Variants in ATP13A5 observed in about 807,000 individuals in gnomAD.
The protein encoded by ATP13A5 is probable cation-transporting ATPase 13A5.
In ATP13A5, 149 loss-of-function variants were observed where a neutral mutation model predicts 150.2. That is an observed-to-expected ratio of 0.99 (90% CI 0.87 to 1.14). ATP13A5 has a LOEUF of 1.14. ATP13A5 is among the 50% of genes most tolerant of loss of function. The probability of loss-of-function intolerance (pLI) is 0.00; values close to 1 mark genes in which losing one functional copy is unlikely to be tolerated. For missense variants in ATP13A5, 1,383 were observed against 1,449.3 expected (o/e 0.95, Z 0.74); for synonymous variants, 497 against 522.2 (o/e 0.95, Z 0.66).
chr3:193,327,527 T>C (rs969484824), intron 12 of ATP13A5, among the ~76,000 whole-genome samples: 11 of 152,156 alleles, frequency 7.2e-5, no homozygotes, highest in African/African-American at 2.7e-4. Context: ...ACAGTGACTG[T>C]CCAGATTGAT....
intron 27 of ATP13A5, among the ~76,000 whole-genome samples, chr3:193,282,406 G>A (rs529905001): frequency 3.1e-4 from 47 of 150,870 alleles, no homozygotes; most frequent in Non-Finnish European, 5.3e-4. Flanking sequence ...ACGGAGTCTC[G>A]CTCTGTTGCC....
chr3:193,305,779 A>C (rs970825832), intron 22 of ATP13A5, 111 bp from the exon 23 acceptor site: 1 of 883,908 alleles, frequency 1.1e-6, no homozygotes, highest in African/African-American at 2.0e-5. Flanking sequence ...GTACTGTTTC[A>C]TCTTTGGGTC....
At chr3:193,276,858 A>G (rs199932245) in intron 28 of ATP13A5, 28 bp from the exon 29 acceptor site, 27 of 1,509,132 alleles carry the variant, frequency 1.8e-5, no homozygotes, top group African/African-American at 2.8e-5. Flanking sequence ...CCATTATTAT[A>G]TTTTGCACAC....
At chr3:193,282,439 A>G (rs932690382) in intron 27 of ATP13A5, among the ~76,000 whole-genome samples, 10 of 151,614 alleles carry the variant, frequency 6.6e-5, no homozygotes, top group Non-Finnish European at 1.2e-4. Context: ...CAGTGGCATG[A>G]TCTCAGCTCA....
intron 17 of ATP13A5, among the ~76,000 whole-genome samples, chr3:193,318,464 A>G (rs6809580): frequency 0.84 from 128,136 of 152,136 alleles, 54,140 homozygotes; most frequent in East Asian, 0.98. Flanking sequence ...TGTAATTAAG[A>G]ATACTGAATT....
chr3:193,279,001 C>T (rs892495227), intron 28 of ATP13A5, among the ~76,000 whole-genome samples: 2 of 152,048 alleles, frequency 1.3e-5, no homozygotes, highest in African/African-American at 4.8e-5. Flanking sequence ...TGTTTTCTTT[C>T]CCTTTATAAC....
chr3:193,299,857 A>G (rs1220138920), intron 24 of ATP13A5, among the ~76,000 whole-genome samples: 1 of 152,174 alleles, frequency 6.6e-6, no homozygotes, highest in Non-Finnish European at 1.5e-5. Context: ...TATCTGTTTC[A>G]TATCTGTCGA....
intron 27 of ATP13A5, chr3:193,281,102 AG>A (rs1717474811): frequency 1.3e-6 from 1 of 763,978 alleles, no homozygotes; most frequent in Admixed American, 6.3e-5. Context: ...GAAGAAAAGT[AG>A]GAATTGCATC....
chr3:193,328,220 G>T lies in ATP13A5; in HGVS notation c.1462-1163C>A, dbSNP rs143695253. 1.3e-4 allele frequency among the ~76,000 whole-genome samples: 20 copies of T among 152,282 alleles called. No homozygotes were observed. In the East Asian group the frequency reaches 3.7e-3, roughly 28 times the overall value. On this transcript the variant is annotated intron_variant, in intron 12 of 29. Transcript: ENST00000342358. ...CTAGCAAATGTTAAGTGAATCATAC[G>T]GGGTATGTGGAAAGACAAAGCTCTT...
At chr3:193,364,786 G>T (rs1713181269) in intron 1 of ATP13A5, among the ~76,000 whole-genome samples, 1 of 152,080 alleles carries the variant, frequency 6.6e-6, no homozygotes, top group Non-Finnish European at 1.5e-5. Flanking sequence ...CGGAAAGTAT[G>T]AATAAATGTA....
intron 9 of ATP13A5, among the ~76,000 whole-genome samples, chr3:193,336,473 T>G (rs2108877947): frequency 6.6e-6 from 1 of 152,226 alleles, no homozygotes; most frequent in South Asian, 2.1e-4. Context: ...CACCTATGAG[T>G]GAGAACATGT....
intron 25 of ATP13A5, among the ~76,000 whole-genome samples, chr3:193,291,984 A>T (rs949375282): frequency 6.6e-6 from 1 of 152,000 alleles, no homozygotes; most frequent in Admixed American, 6.6e-5. Context: ...AGTAATGGGA[A>T]CTCCTAAGTT....
At chr3:193,330,946 G>A (rs1711605475) in intron 12 of ATP13A5, among the ~76,000 whole-genome samples, 177 bp downstream of exon 12, 1 of 152,164 alleles carries the variant, frequency 6.6e-6, no homozygotes, top group African/African-American at 2.4e-5. Context: ...AACCTTAAGA[G>A]TCAGCAGAGC....
At chr3:193,339,935 A>T (rs1712051513) in intron 9 of ATP13A5, among the ~76,000 whole-genome samples, 1 of 152,178 alleles carries the variant, frequency 6.6e-6, no homozygotes, top group South Asian at 2.1e-4. Context: ...ATTTGCAGAT[A>T]ATTTGTTCCA....
intron 26 of ATP13A5, among the ~76,000 whole-genome samples, chr3:193,289,025 T>C (rs1480582384): frequency 6.6e-6 from 1 of 152,186 alleles, no homozygotes; most frequent in Non-Finnish European, 1.5e-5. Flanking sequence ...AGATTCTATA[T>C]TCCTAGTTAT....
intron 1 of ATP13A5, 81 bp from the exon 2 acceptor site, chr3:193,364,361 G>A: frequency 2.0e-6 from 3 of 1,504,158 alleles, no homozygotes; most frequent in South Asian, 2.6e-5. Flanking sequence ...AACCAAACTT[G>A]AGATGAAAGA....
At chr3:193,276,713 G>T in intron 29 of ATP13A5, 37 bp downstream of exon 29, 2 of 1,447,998 alleles carry the variant, frequency 1.4e-6, no homozygotes, top group Admixed American at 1.9e-5. Flanking sequence ...TCCTTAATTT[G>T]TTTATCTTCC....
intron 25 of ATP13A5, among the ~76,000 whole-genome samples, chr3:193,291,240 C>T (rs1717941904): frequency 6.6e-6 from 1 of 152,080 alleles, no homozygotes; most frequent in South Asian, 2.1e-4. Context: ...AAGTCTTTAC[C>T]TATACCAGAT....
At chr3:193,334,799 T>G in intron 10 of ATP13A5, 130 bp downstream of exon 10, 1 of 768,170 alleles carries the variant, frequency 1.3e-6, no homozygotes, top group African/African-American at 1.7e-5. Flanking sequence ...ATAATAAGTG[T>G]CTGTTTGGAA....
Sources: gnomAD v4.1 joint callset for allele counts (sites outside exome capture counted in the v4.1 genomes callset) on GRCh38, gnomAD v4.1.1 for gene constraint, MANE v1.5 for transcripts, NCBI Gene and HGNC (gene_info 2026-07-23, HGNC 2026-07-21) for gene names.